Variants in PPP3R1 observed in about 807,000 individuals in gnomAD.
PPP3R1 encodes calcineurin subunit B type 1.
Under a neutral mutation model 22.6 loss-of-function variants are expected in PPP3R1, and 5 were observed. The observed-to-expected ratio is 0.22, with a 90% confidence interval of 0.12 to 0.46. The LOEUF (loss-of-function observed/expected upper bound fraction) is 0.46. Ranked by LOEUF, PPP3R1 falls within the 20% of genes least tolerant of loss-of-function variation. PPP3R1 has a pLI of 0.99. For missense variants in PPP3R1, 61 were observed against 203.2 expected (o/e 0.30, Z 4.25); for synonymous variants, 56 against 65.2 (o/e 0.86, Z 0.68).
intron 2 of PPP3R1, among the ~76,000 whole-genome samples, chr2:68,210,070 C>G (rs1669449022): frequency 6.6e-6 from 1 of 152,176 alleles, no homozygotes; most frequent in Non-Finnish European, 1.5e-5. Context: ...GGTAAGATGT[C>G]TCCTCAAGCA....
chr2:68,179,179 T>C lies in PPP3R1; in HGVS notation c.*1784A>G, dbSNP rs1349299923. The stretch of plus-strand genomic sequence containing the variant: ...AAATTCACAAAAGGCTAGTTCCCCC[T>C]TGAAGCAGAGCACATGGCAGTTGAC... On this transcript the variant is annotated 3_prime_UTR_variant, in exon 6 of 6. Transcript: ENST00000234310. 6.6e-6 allele frequency: 1 copy of C among 152,582 alleles called. No individual in the cohort carries two copies. Among genetic ancestry groups the C allele is most frequent in the African/African-American group, 2.4e-5 (1 of 41,434 alleles). 9.5% of individuals were successfully genotyped at this position (152,582 alleles called of 1,614,324 possible).
At chr2:68,214,078 A>G (rs1383907667) in intron 2 of PPP3R1, among the ~76,000 whole-genome samples, 2 of 152,214 alleles carry the variant, frequency 1.3e-5, no homozygotes, top group African/African-American at 4.8e-5. Flanking sequence ...GTGCTGGGAT[A>G]ACTAACTATA....
In PPP3R1 at chr2:68,232,720, C is replaced by A. The variant is rs145072084; in HGVS notation, c.4-15589G>T. ...CTCACAGGTTCAAGCAATTCTCCTG[C>A]CTCAGCCTCTCGAGTAGCTGGGATT... On this transcript the variant is annotated intron_variant, in intron 1 of 5. Transcript: ENST00000234310. Among the ~76,000 whole-genome samples, 156 of 152,160 alleles carry A rather than the reference C, an allele frequency of 1.0e-3. 4 individuals are homozygous for A. In the East Asian group the frequency reaches 0.026, roughly 25 times the overall value.
intron 5 of PPP3R1, among the ~76,000 whole-genome samples, chr2:68,182,128 T>C (rs1469695911): frequency 7.2e-6 from 1 of 138,676 alleles, no homozygotes; most frequent in East Asian, 2.4e-4. Flanking sequence ...TCTGTTTCTG[T>C]ACATTTTATA....
intron 1 of PPP3R1, among the ~76,000 whole-genome samples, chr2:68,231,516 G>A (rs1335342775): frequency 6.6e-6 from 1 of 152,060 alleles, no homozygotes; most frequent in Non-Finnish European, 1.5e-5. Context: ...ATGAAAAAAA[G>A]CAGCTAGTTC....
rs946370168 is a variant in PPP3R1, at chr2:68,252,204, G to C, written c.-77C>G. ...CGCTCAGGCTGGCTCGCAGGAAACGGCGGCGGCGGCCCAGCTGCGGCCCTC... is the reference window on the plus strand; with the variant it reads ...CGCTCAGGCTGGCTCGCAGGAAACGCCGGCGGCGGCCCAGCTGCGGCCCTC... On this transcript the variant is annotated 5_prime_UTR_variant, in exon 1 of 6. Transcript: ENST00000234310. 8.0e-7 allele frequency: 1 copy of C among 1,246,208 alleles called. No homozygotes were observed. Among genetic ancestry groups the C allele is most frequent in the African/African-American group, 1.6e-5 (1 of 63,956 alleles). The allele number at this position is 1,246,208 out of a possible 1,614,324, so 77.2% of individuals were successfully genotyped here. A position where few individuals can be genotyped will look rare whatever the true frequency, so the allele number is the denominator to read the frequency against.
At chr2:68,242,297 C>T (rs140003923) in intron 1 of PPP3R1, among the ~76,000 whole-genome samples, 42 of 152,040 alleles carry the variant, frequency 2.8e-4, no homozygotes, top group African/African-American at 6.5e-4. Flanking sequence ...TGTGGTGGTG[C>T]GCACCCGCAA....
chr2:68,225,741 G>C (rs969082283), intron 1 of PPP3R1, among the ~76,000 whole-genome samples: 7 of 152,218 alleles, frequency 4.6e-5, no homozygotes, highest in African/African-American at 1.7e-4. Flanking sequence ...CAAAGTGTTG[G>C]TGAAGATGTA....
chr2:68,232,580 A>G (rs1176468179), intron 1 of PPP3R1, among the ~76,000 whole-genome samples: 1 of 151,940 alleles, frequency 6.6e-6, no homozygotes, highest in Non-Finnish European at 1.5e-5. Flanking sequence ...ATTTGTCCTA[A>G]TATTCTATTA....
intron 2 of PPP3R1, among the ~76,000 whole-genome samples, chr2:68,209,125 G>A (rs992212392): frequency 3.3e-5 from 5 of 150,612 alleles, no homozygotes; most frequent in Admixed American, 2.6e-4. Flanking sequence ...TTGGGAGGCC[G>A]AGGCGGGCGG....
chr2:68,201,259 T>TA (rs541191040), intron 2 of PPP3R1, among the ~76,000 whole-genome samples: 21 of 152,122 alleles, frequency 1.4e-4, no homozygotes, highest in Non-Finnish European at 2.4e-4. Flanking sequence ...TATTTTCCTT[T>TA]AAAAAAAATT....
chr2:68,225,924 C>G (rs1375118895), intron 1 of PPP3R1, among the ~76,000 whole-genome samples: 1 of 152,190 alleles, frequency 6.6e-6, no homozygotes, highest in Admixed American at 6.5e-5. Context: ...ATAGACCAAT[C>G]TGGAAACAAC....
chr2:68,246,299 TC>T (rs1445507006), intron 1 of PPP3R1, among the ~76,000 whole-genome samples: 2 of 151,890 alleles, frequency 1.3e-5, no homozygotes, highest in Non-Finnish European at 2.9e-5. Context: ...GGTCTCTAAC[TC>T]CCGACCTCAT....
intron 1 of PPP3R1, among the ~76,000 whole-genome samples, chr2:68,245,991 C>T (rs773812366): frequency 6.6e-6 from 1 of 151,816 alleles, no homozygotes; most frequent in Admixed American, 6.6e-5. Context: ...TGTCAATAAT[C>T]CTGTCTTTTC....
At chr2:68,185,283 T>C (rs2103717154) in intron 5 of PPP3R1, among the ~76,000 whole-genome samples, 1 of 150,072 alleles carries the variant, frequency 6.7e-6, no homozygotes, top group East Asian at 1.9e-4. Context: ...ACTCGAAACT[T>C]AGCTTATGTC....
At chr2:68,199,409 A>G (rs1264157297) in intron 2 of PPP3R1, among the ~76,000 whole-genome samples, 2 of 152,208 alleles carry the variant, frequency 1.3e-5, no homozygotes, top group Non-Finnish European at 2.9e-5. Context: ...ATCTGGGAAT[A>G]AAAACAATTT....
intron 1 of PPP3R1, among the ~76,000 whole-genome samples, chr2:68,229,965 T>TACACACACACACACACACACAC (rs1157191768): frequency 2.0e-5 from 1 of 49,494 alleles, no homozygotes; most frequent in Non-Finnish European, 3.5e-5. Flanking sequence ...TGTGTATATA[T>TACACACACACACACACACACAC]ACACACATAC....
At chr2:68,202,431 T>C (rs1451986360) in intron 2 of PPP3R1, among the ~76,000 whole-genome samples, 3 of 144,462 alleles carry the variant, frequency 2.1e-5, no homozygotes, top group Admixed American at 6.9e-5. Flanking sequence ...GTTGTTGTTG[T>C]TGTTGTTTTT....
intron 1 of PPP3R1, among the ~76,000 whole-genome samples, chr2:68,225,192 T>C (rs543156742): frequency 1.9e-4 from 29 of 152,348 alleles, no homozygotes; most frequent in African/African-American, 6.3e-4. Flanking sequence ...CAGAAGGATT[T>C]TGCACATGTA....
Sources: gnomAD v4.1 joint callset for allele counts (sites outside exome capture counted in the v4.1 genomes callset) on GRCh38, gnomAD v4.1.1 for gene constraint, MANE v1.5 for transcripts, NCBI Gene and HGNC (gene_info 2026-07-23, HGNC 2026-07-21) for gene names.